Variants in CFAP44 observed in about 807,000 individuals in gnomAD.
CFAP44 encodes cilia- and flagella-associated protein 44.
CFAP44 carries 134 observed loss-of-function variants against 216.2 expected under a neutral mutation model. The ratio of observed to expected loss-of-function variants is 0.62; its 90% confidence interval spans 0.54 to 0.72. The LOEUF (loss-of-function observed/expected upper bound fraction) is 0.72, where lower values mean the gene tolerates loss of function less well. Among genes scored for constraint, CFAP44 ranks in the 30% least tolerant of loss-of-function variants. The pLI is 0.00. For missense variants in CFAP44, 2,035 were observed against 2,182.1 expected (o/e 0.93, Z 1.34); for synonymous variants, 700 against 727.6 (o/e 0.96, Z 0.61).
chr3:113,350,051 T>A (rs1363572372), intron 22 of CFAP44, among the ~76,000 whole-genome samples: 1 of 152,214 alleles, frequency 6.6e-6, no homozygotes, highest in Non-Finnish European at 1.5e-5. Flanking sequence ...ATGGAGTTAT[T>A]GCACACAGTG....
At chr3:113,414,874 G>A (rs756710790) in intron 6 of CFAP44, among the ~76,000 whole-genome samples, 5 of 152,042 alleles carry the variant, frequency 3.3e-5, no homozygotes, top group Non-Finnish European at 5.9e-5. Context: ...TGCTGGCTTC[G>A]TAAAATGAGT....
chr3:113,333,617 A>G (rs1221836587), intron 24 of CFAP44, 34 bp from the exon 25 acceptor site: 2 of 1,464,998 alleles, frequency 1.4e-6, no homozygotes, highest in African/African-American at 2.9e-5. Context: ...CCCACACACA[A>G]ATATGACAAT....
chr3:113,437,085 T>C (rs1179285981), intron 1 of CFAP44, among the ~76,000 whole-genome samples: 2 of 152,150 alleles, frequency 1.3e-5, no homozygotes, highest in South Asian at 4.1e-4. Context: ...GGAACAGTGG[T>C]CCCTGCTTTC....
intron 32 of CFAP44, among the ~76,000 whole-genome samples, chr3:113,298,086 C>G (rs1346614679): frequency 2.0e-5 from 3 of 152,180 alleles, no homozygotes; most frequent in Non-Finnish European, 4.4e-5. Context: ...GCCTGCCTGG[C>G]CTCTCTCAGT....
At chr3:113,390,680 T>C (rs1348619361) in intron 15 of CFAP44, among the ~76,000 whole-genome samples, 2 of 152,170 alleles carry the variant, frequency 1.3e-5, no homozygotes, top group African/African-American at 4.8e-5. Flanking sequence ...CAAAAATCAA[T>C]AGCATTTCTA....
rs766837007 is a variant in CFAP44, at chr3:113,341,839, G to A, written c.3342C>T (p.Ile1114=). 42 of 1,530,698 alleles carry A rather than the reference G, an allele frequency of 2.7e-5. No homozygotes were observed. In the South Asian group the frequency reaches 4.4e-4, roughly 16 times the overall value. 94.8% of individuals were successfully genotyped at this position (1,530,698 alleles called of 1,614,324 possible). ...KFRPKTLSEI[I]VENQIEKTRK... ...TCGTTTTCTCAATTTGATTTTCCACGATGATTTCACTTAGGGTTTTAGGCC... is the reference window on the plus strand; with the variant it reads ...TCGTTTTCTCAATTTGATTTTCCACAATGATTTCACTTAGGGTTTTAGGCC... Residue 1114 remains isoleucine (I), a synonymous_variant, in exon 24 of 35, where the codon ATC becomes ATT. Transcript: ENST00000393845.
chr3:113,414,537 A>G (rs1934587661), intron 6 of CFAP44, among the ~76,000 whole-genome samples: 1 of 152,180 alleles, frequency 6.6e-6, no homozygotes, highest in Admixed American at 6.6e-5. Flanking sequence ...ATATTCCATC[A>G]ATACCTAGTT....
At chr3:113,317,388 G>C (rs558837005) in intron 28 of CFAP44, among the ~76,000 whole-genome samples, 3 of 152,230 alleles carry the variant, frequency 2.0e-5, no homozygotes, top group Non-Finnish European at 2.9e-5. Flanking sequence ...AGCCAGGAGA[G>C]AGCAGGGCCG....
rs993472130 is a variant in CFAP44 at position 113,432,638 on chromosome 3, T to C, written c.100+927A>G. Among the ~76,000 whole-genome samples the C allele has an allele frequency of 2.6e-5, 4 of 152,202 alleles. 1 individual carries two copies. The highest frequency in any genetic ancestry group is 2.6e-4 in the Admixed American group (4 of 15,284). On this transcript the variant is annotated intron_variant, in intron 2 of 34. Transcript: ENST00000393845. ...GTTAAATCTCTATCACCACTTGCTA[T>C]CTCTCCGCCCTTGCAATATAATCAA...
intron 15 of CFAP44, among the ~76,000 whole-genome samples, chr3:113,386,613 A>G (rs1184981328): frequency 1.3e-5 from 2 of 152,188 alleles, no homozygotes; most frequent in Non-Finnish European, 2.9e-5. Flanking sequence ...AGGCAGGGAC[A>G]AGGCTAGAAT....
intron 15 of CFAP44, among the ~76,000 whole-genome samples, chr3:113,383,479 A>T (rs1933567073): frequency 2.6e-5 from 4 of 152,186 alleles, no homozygotes; most frequent in Admixed American, 2.6e-4. Context: ...ATACTATCAC[A>T]TGGGGAATTT....
chr3:113,362,111 C>A (rs1950547088), intron 21 of CFAP44, among the ~76,000 whole-genome samples: 1 of 151,748 alleles, frequency 6.6e-6, no homozygotes, highest in Admixed American at 6.6e-5. Flanking sequence ...AATATTATTT[C>A]TTTTTAGAAG....
intron 4 of CFAP44, chr3:113,425,865 T>C: frequency 2.8e-6 from 1 of 354,716 alleles, no homozygotes; most frequent in Non-Finnish European, 5.1e-6. Context: ...ACACATTTTT[T>C]TATAAAGGGA....
At chr3:113,337,760 T>C (rs1180349474) in intron 24 of CFAP44, among the ~76,000 whole-genome samples, 1 of 151,958 alleles carries the variant, frequency 6.6e-6, no homozygotes, top group Non-Finnish European at 1.5e-5. Flanking sequence ...AACAAACAAA[T>C]CTCAACCTAA....
chr3:113,320,476 ATATAT>A (rs1482063860), intron 28 of CFAP44, among the ~76,000 whole-genome samples: 8 of 96,042 alleles, frequency 8.3e-5, no homozygotes, highest in East Asian at 6.1e-4. Context: ...CATATATGAT[ATATAT>A]GATATATAGA....
At chr3:113,328,192 C>T (rs977094751) in intron 26 of CFAP44, among the ~76,000 whole-genome samples, 1 of 150,706 alleles carries the variant, frequency 6.6e-6, no homozygotes, top group South Asian at 2.1e-4. Flanking sequence ...ATAGTAAGCA[C>T]AAATAAATAC....
At chr3:113,337,924 T>C (rs758642886) in intron 24 of CFAP44, among the ~76,000 whole-genome samples, 5 of 152,016 alleles carry the variant, frequency 3.3e-5, no homozygotes, top group Non-Finnish European at 7.4e-5. Flanking sequence ...AATTGGTAAG[T>C]TGGACATCAA....
intron 13 of CFAP44, among the ~76,000 whole-genome samples, chr3:113,398,232 C>G (rs1438150086): frequency 1.3e-5 from 2 of 152,130 alleles, no homozygotes; most frequent in Non-Finnish European, 2.9e-5. Context: ...AGCACATAAT[C>G]TTAGTATGCT....
intron 32 of CFAP44, among the ~76,000 whole-genome samples, chr3:113,303,401 C>T (rs1949956395): frequency 6.6e-6 from 1 of 152,064 alleles, no homozygotes; most frequent in South Asian, 2.1e-4. Context: ...AGTGAATAAA[C>T]TATCTGTAGT....
Sources: gnomAD v4.1 joint callset for allele counts (sites outside exome capture counted in the v4.1 genomes callset) on GRCh38, gnomAD v4.1.1 for gene constraint, MANE v1.5 for transcripts, NCBI Gene and HGNC (gene_info 2026-07-23, HGNC 2026-07-21) for gene names.